The following ASTN2 variants were observed in gnomAD, a reference collection of about 807,000 sequenced individuals.
ASTN2 encodes the protein astrotactin 2.
In ASTN2, 54 loss-of-function variants were observed where a neutral mutation model predicts 139.8. The ratio of observed to expected loss-of-function variants is 0.39; its 90% CI spans 0.31 to 0.48. The LOEUF is 0.48. ASTN2 is among the 20% of genes least tolerant of loss of function. The pLI is 0.95. For synonymous variants in ASTN2, 756 were observed against 719.5 expected (o/e 1.05, Z -0.81); for missense variants, 1,565 against 1,725.1 (o/e 0.91, Z 1.64).
intron 4 of ASTN2, among the ~76,000 whole-genome samples, chr9:117,110,345 C>T (rs1347421586): frequency 1.3e-5 from 2 of 152,112 alleles, no homozygotes; most frequent in Admixed American, 6.5e-5. Context: ...GGGCTTTATG[C>T]ACTGTTATAC....
chr9:116,493,921 C>T (rs907877934), intron 19 of ASTN2, among the ~76,000 whole-genome samples: 6 of 152,120 alleles, frequency 3.9e-5, no homozygotes, highest in Non-Finnish European at 2.9e-5. Context: ...TGGGCCTGGC[C>T]TCTCTAACCT....
intron 3 of ASTN2, among the ~76,000 whole-genome samples, chr9:117,198,130 C>T (rs1405555309): frequency 6.6e-6 from 1 of 151,838 alleles, no homozygotes; most frequent in Non-Finnish European, 1.5e-5. Context: ...ATACATGTGC[C>T]TTGGTGGTTT....
chr9:117,376,162 T>C (rs997041576), intron 1 of ASTN2, among the ~76,000 whole-genome samples: 4 of 152,184 alleles, frequency 2.6e-5, no homozygotes, highest in Non-Finnish European at 2.9e-5. Flanking sequence ...GGGACCATTA[T>C]TGAGCCCACC....
chr9:116,992,007 G>C (rs1011938718), intron 7 of ASTN2, among the ~76,000 whole-genome samples: 2 of 152,106 alleles, frequency 1.3e-5, no homozygotes. Context: ...GAGCGTACCT[G>C]AGCACATCCC....
chr9:117,011,671 C>T (rs16934201), intron 6 of ASTN2, among the ~76,000 whole-genome samples: 4,230 of 152,260 alleles, frequency 0.028, 211 homozygotes, highest in African/African-American at 0.098. Context: ...TCTGCTCATT[C>T]GTGGCATGAA....
Position 116,698,438 on chromosome 9 carries a change from G to GGTGCAGGCTGTGTCTCGCTGTGACT in ASTN2, c.2806+27308_2806+27332dup, listed in dbSNP as rs1860995068. 1 of 1,613,966 alleles carries GGTGCAGGCTGTGTCTCGCTGTGACT rather than the reference G, an allele frequency of 6.2e-7. No individual in the cohort carries two copies. The highest frequency in any genetic ancestry group is 1.3e-5 in the African/African-American group (1 of 74,906). On this transcript the variant is annotated intron_variant, in intron 16 of 22. Transcript: ENST00000313400. The surrounding 1 kb of genome is among the most constrained non-coding windows in gnomAD (Gnocchi z 4.4). ...AGAGTTACCTGCTTAACATTGCAGA[G>GGTGCAGGCTGTGTCTCGCTGTGACT]GTGCAGGCTGTGTCTCGCTGTGACT...
At chr9:116,657,704 G>T (rs73530810) in intron 16 of ASTN2, among the ~76,000 whole-genome samples, 3,750 of 152,266 alleles carry the variant, frequency 0.025, 147 homozygotes, top group African/African-American at 0.086. Flanking sequence ...AGCTGGGCCT[G>T]TTGGCACACG....
chr9:117,174,479 C>T (rs974902015), intron 3 of ASTN2, among the ~76,000 whole-genome samples: 2 of 151,894 alleles, frequency 1.3e-5, no homozygotes, highest in African/African-American at 4.8e-5. Flanking sequence ...TTCTAGCAAA[C>T]TTTATGAGAT....
intron 3 of ASTN2, among the ~76,000 whole-genome samples, chr9:117,155,811 AT>A (rs764948752): frequency 6.6e-6 from 1 of 152,176 alleles, no homozygotes. Context: ...TCAACTGGAC[AT>A]TTTTCCTTCT....
At chr9:116,656,460 TAC>T (rs1373499207) in intron 16 of ASTN2, among the ~76,000 whole-genome samples, 1 of 152,166 alleles carries the variant, frequency 6.6e-6, no homozygotes, top group Non-Finnish European at 1.5e-5. Flanking sequence ...TAGGTTAAAA[TAC>T]AGTGTCTTTA....
chr9:116,517,353 C>T (rs1850694591), intron 19 of ASTN2, among the ~76,000 whole-genome samples: 1 of 152,232 alleles, frequency 6.6e-6, no homozygotes, highest in South Asian at 2.1e-4. Flanking sequence ...TTTGCAGACA[C>T]TCTTCAGCAC....
At position 117,027,692 on chromosome 9, in the gene ASTN2, A is replaced by G. The variant is rs189115064; in HGVS notation, c.1423+12127T>C. Among the ~76,000 whole-genome samples the G allele has an allele frequency of 1.3e-5, 2 of 152,288 alleles. 1 individual carries two copies. Among genetic ancestry groups the G allele is most frequent in the Non-Finnish European group, 2.9e-5 (2 of 68,014 alleles). ...GATCTGCCCAGTGGAAAAGACTCCA[A>G]GCTTCCCTGACAACCTGGCTGACTC... On this transcript the variant is annotated intron_variant, in intron 6 of 22. Coordinates refer to ENST00000313400, the MANE Select transcript of ASTN2 (RefSeq NM_001365068.1).
At chr9:116,490,087 C>T (rs921863318) in intron 19 of ASTN2, among the ~76,000 whole-genome samples, 13 of 151,692 alleles carry the variant, frequency 8.6e-5, no homozygotes, top group Admixed American at 7.2e-4. Flanking sequence ...ACAAAGATGC[C>T]TAGAACCAGA....
chr9:117,003,062 G>A (rs1265773601), intron 7 of ASTN2, among the ~76,000 whole-genome samples: 7 of 152,196 alleles, frequency 4.6e-5, no homozygotes, highest in Non-Finnish European at 7.3e-5. Context: ...AGAGGCATGC[G>A]AGGGCATGGT....
intron 19 of ASTN2, among the ~76,000 whole-genome samples, chr9:116,557,223 CAAAAAAAAAAA>C (rs60756690): frequency 3.0e-4 from 16 of 53,596 alleles, no homozygotes; most frequent in Admixed American, 9.4e-4. Context: ...GACTCTGTCT[CAAAAAAAAAAA>C]AAAAAAAAAA....
chr9:117,262,365 A>G (rs962717281), intron 2 of ASTN2, among the ~76,000 whole-genome samples: 2 of 151,752 alleles, frequency 1.3e-5, no homozygotes, highest in African/African-American at 4.8e-5. Context: ...GAATATTCCC[A>G]CCCAACACTG....
At chr9:116,778,261 G>T (rs143105400) in intron 13 of ASTN2, among the ~76,000 whole-genome samples, 1 of 152,100 alleles carries the variant, frequency 6.6e-6, no homozygotes, top group African/African-American at 2.4e-5. Context: ...TACAGTTCAA[G>T]AACTGACTCT....
intron 10 of ASTN2, among the ~76,000 whole-genome samples, chr9:116,885,371 T>C (rs879513432): frequency 6.6e-5 from 10 of 152,230 alleles, no homozygotes; most frequent in Non-Finnish European, 1.3e-4. Flanking sequence ...AAAAAGACCT[T>C]ATCTCAACGG....
intron 20 of ASTN2, among the ~76,000 whole-genome samples, chr9:116,455,047 A>T (rs1009361672): frequency 2.0e-5 from 3 of 152,110 alleles, no homozygotes; most frequent in African/African-American, 7.2e-5. Context: ...TAATAAAAAA[A>T]AAAAAGGTTT....
Sources: gnomAD v4.1 joint callset for allele counts (sites outside exome capture counted in the v4.1 genomes callset) on GRCh38, gnomAD v4.1.1 for gene constraint, Gnocchi (gnomAD v3.1) non-coding constraint, MANE v1.5 for transcripts, NCBI Gene and HGNC (gene_info 2026-07-23, HGNC 2026-07-21) for gene names.